Variants in CALN1 observed in about 807,000 individuals in gnomAD.
CALN1 encodes calneuron 1, also known as calcium-binding protein 8.
CALN1 carries 17 observed loss-of-function variants against 30.6 expected under a neutral mutation model. That is an observed-to-expected ratio of 0.56 (90% CI 0.38 to 0.83). The LOEUF (loss-of-function observed/expected upper bound fraction) is 0.83. CALN1 is among the 40% of genes least tolerant of loss of function. The pLI, the probability that CALN1 is intolerant of heterozygous loss-of-function variation, is 0.00. For synonymous variants in CALN1, 156 were observed against 131.4 expected (o/e 1.19, Z -1.28); for missense variants, 291 against 354.9 (o/e 0.82, Z 1.45).
chr7:71,984,126 G>A (rs1798543141), intron 5 of CALN1, among the ~76,000 whole-genome samples: 1 of 152,180 alleles, frequency 6.6e-6, no homozygotes, highest in African/African-American at 2.4e-5. Flanking sequence ...TGGCTTTCTA[G>A]CTAGCGAGGT....
At chr7:72,403,623 C>G (rs1018521033) in intron 1 of CALN1, among the ~76,000 whole-genome samples, 181 bp from the exon 2 acceptor site, 3 of 152,174 alleles carry the variant, frequency 2.0e-5, no homozygotes, top group African/African-American at 7.2e-5. Context: ...ATTAATAAGG[C>G]CTCAATGTCA....
At chr7:71,809,723 A>AT (rs1253322571) in intron 6 of CALN1, among the ~76,000 whole-genome samples, 2 of 151,990 alleles carry the variant, frequency 1.3e-5, no homozygotes, top group Admixed American at 6.6e-5. Context: ...GCTTTCATGA[A>AT]TAAAAAAAAA....
intron 2 of CALN1, among the ~76,000 whole-genome samples, chr7:72,298,600 C>T (rs990509637): frequency 6.6e-6 from 1 of 152,084 alleles, no homozygotes; most frequent in Non-Finnish European, 1.5e-5. Flanking sequence ...AAGCCTCTTG[C>T]CCATTATCTA....
chr7:71,884,300 T>A lies in CALN1; in HGVS notation c.502-73808A>T, dbSNP rs146294650. ...CCCGCCCACCTTGAAACATACGCCT[T>A]AAGCAACTTCCACATGCAGTCCTGG... is the stretch of plus-strand genomic sequence containing the variant. On this transcript the variant is annotated intron_variant, in intron 5 of 6. Coordinates refer to ENST00000395275, the MANE Select transcript of CALN1 (RefSeq NM_031468.4). Among the ~76,000 whole-genome samples the A allele has an allele frequency of 4.8e-3, 738 of 152,256 alleles. 5 individuals carry two copies. The highest frequency in any genetic ancestry group is 8.1e-3 in the Non-Finnish European group (550 of 68,020).
At position 72,412,219 on chromosome 7, in the gene CALN1, G is replaced by T; in HGVS notation, c.-235C>A. ...CGGTCTTGCTGACTTCAAGAACGAA[G>T]ACGCAGACCGCGGCCGTGAGCTTTA... is the stretch of plus-strand genomic sequence containing the variant. On this transcript the variant is annotated 5_prime_UTR_variant, in exon 1 of 7. Coordinates refer to ENST00000395275, the MANE Select transcript of CALN1 (RefSeq NM_031468.4). The T allele has an allele frequency of 6.6e-6, 1 of 152,528 alleles. No homozygotes were observed. Among genetic ancestry groups the T allele is most frequent in the South Asian group, 2.0e-4 (1 of 4,946 alleles). 9.4% of individuals were successfully genotyped at this position (152,528 alleles called of 1,614,324 possible).
At chr7:72,262,686 A>G (rs1014315202) in intron 3 of CALN1, among the ~76,000 whole-genome samples, 9 of 152,172 alleles carry the variant, frequency 5.9e-5, no homozygotes, top group Admixed American at 5.9e-4. Context: ...ACATGATTTC[A>G]CTTTTTATGG....
chr7:72,306,172 T>A (rs1454420874), intron 2 of CALN1, among the ~76,000 whole-genome samples: 1 of 152,276 alleles, frequency 6.6e-6, no homozygotes, highest in Non-Finnish European at 1.5e-5. Context: ...TCAAAAAATT[T>A]TACCCCAAAA....
chr7:72,394,216 T>C (rs1309454774), intron 2 of CALN1, among the ~76,000 whole-genome samples: 1 of 151,686 alleles, frequency 6.6e-6, no homozygotes, highest in Non-Finnish European at 1.5e-5. Context: ...AGCACTTCCT[T>C]TCTGTCACCT....
At chr7:72,002,058 C>G (rs1000286968) in intron 5 of CALN1, among the ~76,000 whole-genome samples, 1 of 152,056 alleles carries the variant, frequency 6.6e-6, no homozygotes, top group Non-Finnish European at 1.5e-5. Context: ...AGAACAACTA[C>G]AAAAATTCTA....
intron 4 of CALN1, among the ~76,000 whole-genome samples, chr7:72,092,555 C>T (rs970655520): frequency 7.0e-6 from 1 of 143,524 alleles, no homozygotes; most frequent in Non-Finnish European, 1.5e-5. Flanking sequence ...AATTGTGTTT[C>T]GCCCTTCTTC....
chr7:72,344,289 A>C (rs992168582), intron 2 of CALN1, among the ~76,000 whole-genome samples: 3 of 152,176 alleles, frequency 2.0e-5, no homozygotes, highest in Non-Finnish European at 2.9e-5. Flanking sequence ...AGAGGCAGTC[A>C]TAAATTTTTG....
chr7:72,439,042 T>C (rs573357488), intron 1 of CALN1, among the ~76,000 whole-genome samples: 5 of 152,138 alleles, frequency 3.3e-5, no homozygotes, highest in Non-Finnish European at 7.4e-5. Flanking sequence ...ATACGACTTT[T>C]TCTTTTTTTC....
chr7:72,240,724 A>G (rs1794773506), intron 3 of CALN1, among the ~76,000 whole-genome samples: 1 of 152,212 alleles, frequency 6.6e-6, no homozygotes, highest in African/African-American at 2.4e-5. Flanking sequence ...TCAGCTGGCA[A>G]AGAAATCCAG....
At position 71,854,190 on chromosome 7, in the gene CALN1, G is replaced by A. The variant is rs114774367; in HGVS notation, c.502-43698C>T. Among the ~76,000 whole-genome samples the A allele has an allele frequency of 1.7e-3, 265 of 152,138 alleles. 1 individual carries two copies. The highest frequency in any genetic ancestry group is 5.9e-3 in the African/African-American group (246 of 41,520). ...AAACACCCCAAACCATTGACAGTGTGTGTTCCTGAAAATGAATGGAGAGAA... is the reference window on the plus strand; with the variant it reads ...AAACACCCCAAACCATTGACAGTGTATGTTCCTGAAAATGAATGGAGAGAA... On this transcript the variant is annotated intron_variant, in intron 5 of 6. Transcript: ENST00000395275.
At chr7:71,915,127 A>C (rs758539572) in intron 5 of CALN1, among the ~76,000 whole-genome samples, 1 of 152,148 alleles carries the variant, frequency 6.6e-6, no homozygotes, top group South Asian at 2.1e-4. Context: ...AACGTTCAAG[A>C]AGCCTAAATT....
At chr7:72,145,204 C>A (rs1362915391) in intron 3 of CALN1, among the ~76,000 whole-genome samples, 1 of 151,970 alleles carries the variant, frequency 6.6e-6, no homozygotes, top group Non-Finnish European at 1.5e-5. Context: ...AAAAGATCAA[C>A]AAAATTGATA....
intron 3 of CALN1, among the ~76,000 whole-genome samples, chr7:72,147,740 C>T (rs1468121361): frequency 6.6e-6 from 1 of 151,956 alleles, no homozygotes; most frequent in Non-Finnish European, 1.5e-5. Flanking sequence ...AAATGTGGCA[C>T]ATATACACCA....
the CALN1 span, among the ~76,000 whole-genome samples, chr7:72,484,570 A>C: frequency 2.6e-5 from 4 of 152,038 alleles, no homozygotes; most frequent in Non-Finnish European, 5.9e-5. Context: ...TCCATGCACT[A>C]ATCAATATCC....
chr7:71,871,515 G>A (rs1188258731), intron 5 of CALN1, among the ~76,000 whole-genome samples: 1 of 152,142 alleles, frequency 6.6e-6, no homozygotes, highest in African/African-American at 2.4e-5. Context: ...GGGAGGCTGA[G>A]TCAGGAGGAT....
Sources: allele counts gnomAD v4.1 joint callset (sites outside exome capture counted in the v4.1 genomes callset), GRCh38; gene constraint gnomAD v4.1.1; transcripts MANE v1.5; gene names NCBI Gene and HGNC (gene_info 2026-07-23, HGNC 2026-07-21).